The following RUVBL2 variants were observed in gnomAD, a reference collection of about 807,000 sequenced individuals.
The protein encoded by RUVBL2 is RuvB like AAA ATPase 2.
In RUVBL2, 9 loss-of-function variants were observed where a neutral mutation model predicts 57.9. The observed-to-expected ratio is 0.16, with a 90% CI of 0.09 to 0.27. The LOEUF is 0.27. Ranked by LOEUF, RUVBL2 falls within the 10% of genes least tolerant of loss-of-function variation. The pLI, the probability that RUVBL2 is intolerant of heterozygous loss-of-function variation, is 1.00. For missense variants in RUVBL2, 456 were observed against 669.6 expected, an observed-to-expected ratio of 0.68 and a Z score of 3.52; for synonymous variants, 278 against 264.6, an observed-to-expected ratio of 1.05 and a Z score of -0.49.
At chr19:49,006,966 CG>C in intron 4 of RUVBL2, 51 bp from the exon 5 acceptor site, 3 of 1,598,134 alleles carry the variant, frequency 1.9e-6, no homozygotes. Flanking sequence ...GAGCAGGTGT[CG>C]GGGACCTGGT....
chr19:48,993,820 T>G, upstream of RUVBL2: 1 of 1,498,734 alleles, frequency 6.7e-7, no homozygotes, highest in Non-Finnish European at 9.3e-7. Context: ...ACCATCGAGA[T>G]CTTTGAAGAA....
intron 2 of RUVBL2, among the ~76,000 whole-genome samples, chr19:49,000,192 T>C (rs1223361353): frequency 1.3e-5 from 2 of 152,332 alleles, no homozygotes; most frequent in Admixed American, 1.3e-4. Context: ...CATCAGTTAA[T>C]GTAAGATTCA....
At chr19:49,014,005 G>A (rs139700641) in intron 11 of RUVBL2, among the ~76,000 whole-genome samples, 49 of 152,366 alleles carry the variant, frequency 3.2e-4, no homozygotes, top group African/African-American at 1.1e-3. Flanking sequence ...ACTGTAAGCC[G>A]AGGCTCGAGA....
At chr19:49,010,207 C>CTGT in intron 8 of RUVBL2, 141 bp downstream of exon 8, 2 of 852,202 alleles carry the variant, frequency 2.3e-6, no homozygotes, top group Non-Finnish European at 3.8e-6. Flanking sequence ...TTCCCTGTAA[C>CTGT]CCTAGGACAG....
chr19:49,011,261 A>G lies in RUVBL2; in HGVS notation c.952A>G (p.Ser318Gly). The change falls in exon 11 of 15, where the codon AGT becomes GGT. Residue 318 changes from serine to glycine, a missense_variant. Ser to Gly is a moderately conservative substitution (Grantham distance 56). Around this residue, in one of 5 missense-constraint regions of RUVBL2, gnomAD observed 130 missense variants for 243.0 expected, o/e 0.53. Coordinates refer to ENST00000595090, the MANE Select transcript of RUVBL2 (RefSeq NM_006666.3). This position sits in a 1 kb window ranked among gnomAD's most constrained non-coding sequence, Gnocchi z 4.4. ...SFSFLNRALE[S>G]DMAPVLIMAT... ...CTCCTTCCTCAACCGGGCCCTGGAG[A>G]GTGACATGGCGCCTGTCCTGATCAT... 6.2e-7 allele frequency: 1 copy of G among 1,613,772 alleles called. No homozygotes were observed. The highest frequency in any genetic ancestry group is 1.7e-5 in the Admixed American group (1 of 60,008).
chr19:49,002,915 A>G (rs1018562957), intron 2 of RUVBL2, among the ~76,000 whole-genome samples: 2 of 152,206 alleles, frequency 1.3e-5, no homozygotes, highest in Non-Finnish European at 2.9e-5. Context: ...GCAGGATCAT[A>G]TGGAATAAAC....
intron 14 of RUVBL2, 26 bp from the exon 15 acceptor site, chr19:49,015,791 C>T (rs771296389): frequency 6.2e-7 from 1 of 1,614,038 alleles, no homozygotes; most frequent in Non-Finnish European, 8.5e-7. Context: ...GCGACACTGA[C>T]CATGTGGCCT....
At chr19:49,006,040 G>T (rs929142513) in intron 4 of RUVBL2, among the ~76,000 whole-genome samples, 8 of 152,250 alleles carry the variant, frequency 5.3e-5, no homozygotes, top group African/African-American at 1.9e-4. Context: ...GCACTGGGGT[G>T]AGGCTAGCCT....
intron 4 of RUVBL2, among the ~76,000 whole-genome samples, chr19:49,004,972 TA>T (rs960387496): frequency 0.016 from 2,258 of 139,944 alleles, 48 homozygotes; most frequent in African/African-American, 0.051. Flanking sequence ...AATAAAAAAT[TA>T]AAAAAAAAAA....
chr19:49,005,217 T>C (rs1228405742), intron 4 of RUVBL2, among the ~76,000 whole-genome samples: 1 of 152,242 alleles, frequency 6.6e-6, no homozygotes, highest in African/African-American at 2.4e-5. Context: ...CCCACCTCTG[T>C]GCTGAGGCTG....
rs767191897 is a variant in RUVBL2 at position 49,015,633 on chromosome 19, G to A, written c.1313G>A (p.Arg438His). The change falls in exon 14 of 15, where the codon CGC (arginine) becomes CAC (histidine). Residue 438 changes from arginine to histidine, a missense_variant. Coordinates refer to ENST00000595090, the MANE Select transcript of RUVBL2 (RefSeq NM_006666.3). ...TACTCACTCTTCCTGGACGAGTCCC[G>A]CTCCACGCAGTACATGAAGGAGTAC... ...RVYSLFLDESRSTQYMKEYQD... is the reference protein window; with the variant it reads ...RVYSLFLDESHSTQYMKEYQD... The A allele has an allele frequency of 3.7e-6, 6 of 1,613,938 alleles. No homozygotes were observed. Among genetic ancestry groups the A allele is most frequent in the Non-Finnish European group, 5.1e-6 (6 of 1,180,014 alleles).
chr19:49,007,567 A>G (rs921348785), intron 6 of RUVBL2, among the ~76,000 whole-genome samples, 199 bp downstream of exon 6: 1 of 152,214 alleles, frequency 6.6e-6, no homozygotes, highest in Non-Finnish European at 1.5e-5. Flanking sequence ...TGGGCAATAG[A>G]AACTGAGGCG....
In RUVBL2 at chr19:49,009,986, A is replaced by G. The variant is rs2039375555; in HGVS notation, c.583A>G (p.Ile195Val). Residue 195 changes from isoleucine (I) to valine (V), a missense_variant, in exon 8 of 15, where the codon ATC (isoleucine) becomes GTC (valine). Physicochemically the swap from Ile to Val is conservative, Grantham distance 29. This residue lies in a region of RUVBL2 where 233 missense variants were observed against 306.0 expected (regional missense o/e 0.76). Coordinates refer to ENST00000595090, the MANE Select transcript of RUVBL2 (RefSeq NM_006666.3). ...ATCCCCCTGTAGGGACGTGATCACC[A>G]TCGACAAGGCGACGGGCAAGATCTC... ...DKVQAGDVIT[I>V]DKATGKISKL... 1 of 1,594,392 alleles carries G rather than the reference A, an allele frequency of 6.3e-7. No homozygotes were observed. The highest frequency in any genetic ancestry group is 1.7e-5 in the Admixed American group (1 of 58,548).
chr19:48,999,470 G>A (rs1006047473), intron 2 of RUVBL2, 97 bp downstream of exon 2: 7 of 1,255,806 alleles, frequency 5.6e-6, no homozygotes, highest in African/African-American at 4.4e-5. Context: ...AGAGGGAGGT[G>A]GCCTGCACAC....
intron 8 of RUVBL2, 26 bp downstream of exon 8, chr19:49,010,092 C>A (rs2287760): frequency 1.2e-5 from 20 of 1,603,140 alleles, no homozygotes; most frequent in Non-Finnish European, 1.4e-5. Flanking sequence ...CCGGGATCCC[C>A]TCGCCCCCAG....
chr19:49,010,895 C>G, intron 9 of RUVBL2, 104 bp from the exon 10 acceptor site: 2 of 1,076,090 alleles, frequency 1.9e-6, no homozygotes, highest in Non-Finnish European at 2.8e-6. Context: ...TGCTTTGCTC[C>G]CCTTCCTCCA....
chr19:49,003,313 C>T lies in RUVBL2; in HGVS notation c.102C>T (p.Asp34=), dbSNP rs200990353. ...AHSHIRGLGL[D]DALEPRQASQ... ...CCCACATCCGGGGACTGGGGCTGGA[C>T]GATGCCTTGGAGCCTCGGCAGGTAG... Residue 34 remains aspartate (D), a synonymous_variant, in exon 3 of 15, where the codon GAC becomes GAT. Transcript: ENST00000595090. The T allele has an allele frequency of 9.9e-6, 16 of 1,613,974 alleles. No homozygotes were observed. The highest frequency in any genetic ancestry group is 6.7e-5 in the East Asian group (3 of 44,882).
chr19:49,015,700 C>T lies in RUVBL2; in HGVS notation c.1366+14C>T, dbSNP rs138783956. The T allele has an allele frequency of 1.0e-4, 164 of 1,611,780 alleles. No homozygotes were observed. The highest frequency in any genetic ancestry group is 1.4e-4 in the Non-Finnish European group (160 of 1,177,888). On this transcript the variant is annotated intron_variant, in intron 14 of 14. Coordinates refer to ENST00000595090, the MANE Select transcript of RUVBL2 (RefSeq NM_006666.3). ...TCAACGAACTCAGTAAGAATCCCCA[C>T]CCCGCACCTGCACTGCCAGAGCCAA...
chr19:49,015,162 G>C lies in RUVBL2; in HGVS notation c.1251+12G>C, dbSNP rs372164319. 1 of 1,602,978 alleles carries C rather than the reference G, an allele frequency of 6.2e-7. No homozygotes were observed. Among genetic ancestry groups the C allele is most frequent in the South Asian group, 1.1e-5 (1 of 89,564 alleles). On this transcript the variant is annotated intron_variant, in intron 13 of 14. Transcript: ENST00000595090. The stretch of plus-strand genomic sequence containing the variant: ...GCCGGAAACGCAAGGTCAGCCGGCC[G>C]AATTAGCCAGCAGGGCCAGATGGCG...
Sources: allele counts gnomAD v4.1 joint callset (sites outside exome capture counted in the v4.1 genomes callset), GRCh38; gene constraint gnomAD v4.1.1; regional missense constraint gnomAD v4.1.1; non-coding constraint Gnocchi (gnomAD v3.1); transcripts MANE v1.5; gene names NCBI Gene and HGNC (gene_info 2026-07-23, HGNC 2026-07-21).